Variants in ADAMTSL1 observed in about 807,000 individuals in gnomAD.
ADAMTSL1 encodes ADAMTS like 1.
In ADAMTSL1, 126 loss-of-function variants were observed where a neutral mutation model predicts 201.8. The ratio of observed to expected loss-of-function variants is 0.62; its 90% confidence interval spans 0.54 to 0.72. ADAMTSL1 has a LOEUF of 0.72. ADAMTSL1 is among the 30% of genes least tolerant of loss of function. ADAMTSL1 has a pLI of 0.00. For synonymous variants in ADAMTSL1, 1,121 were observed against 903.4 expected (o/e 1.24, Z -4.32); for missense variants, 2,679 against 2,277.8 (o/e 1.18, Z -3.59).
chr9:18,711,773 T>C (rs1223335416), intron 14 of ADAMTSL1, among the ~76,000 whole-genome samples: 2 of 151,978 alleles, frequency 1.3e-5, no homozygotes, highest in Non-Finnish European at 2.9e-5. Context: ...CCTGCCTCTG[T>C]AGGCTCCACC....
intron 2 of ADAMTSL1, among the ~76,000 whole-genome samples, chr9:18,517,423 T>A (rs1310812464): frequency 6.7e-6 from 1 of 150,244 alleles, no homozygotes; most frequent in Admixed American, 7.0e-5. Context: ...TTTAATTTAT[T>A]TTTTTTTATT....
At chr9:18,679,437 G>T (rs1258539087) in intron 10 of ADAMTSL1, among the ~76,000 whole-genome samples, 1 of 152,004 alleles carries the variant, frequency 6.6e-6, no homozygotes, top group Admixed American at 6.5e-5. Context: ...AGAGAATTTG[G>T]CAAAGATATC....
intron 2 of ADAMTSL1, among the ~76,000 whole-genome samples, chr9:18,236,857 T>C (rs949787607): frequency 6.6e-6 from 1 of 152,210 alleles, no homozygotes; most frequent in African/African-American, 2.4e-5. Flanking sequence ...ATGTAATAAA[T>C]GTCTTATCTT....
chr9:18,269,394 CT>C (rs1832268295), intron 2 of ADAMTSL1, among the ~76,000 whole-genome samples: 1 of 152,060 alleles, frequency 6.6e-6, no homozygotes, highest in Non-Finnish European at 1.5e-5. Context: ...TTCTTGAGAC[CT>C]TCTCTCTAGG....
At chr9:18,103,497 G>T (rs1367572258) in intron 1 of ADAMTSL1, among the ~76,000 whole-genome samples, 1 of 151,956 alleles carries the variant, frequency 6.6e-6, no homozygotes, top group Non-Finnish European at 1.5e-5. Flanking sequence ...TTATTCTTAG[G>T]CCAGCACTAT....
intron 21 of ADAMTSL1, among the ~76,000 whole-genome samples, chr9:18,820,257 G>A (rs554552262): frequency 6.6e-6 from 1 of 152,274 alleles, no homozygotes; most frequent in South Asian, 2.1e-4. Flanking sequence ...AATCCAAGGA[G>A]CCACAGATAA....
At chr9:18,562,015 A>G (rs1357887880) in intron 3 of ADAMTSL1, among the ~76,000 whole-genome samples, 5 of 152,186 alleles carry the variant, frequency 3.3e-5, no homozygotes, top group South Asian at 2.1e-4. Context: ...CATTTAGTCC[A>G]TTGACATTTA....
chr9:18,780,698 A>G (rs1224022714), intron 19 of ADAMTSL1, among the ~76,000 whole-genome samples: 1 of 152,206 alleles, frequency 6.6e-6, no homozygotes, highest in Non-Finnish European at 1.5e-5. Flanking sequence ...AAAAGCATAT[A>G]TGCACACATA....
intron 2 of ADAMTSL1, among the ~76,000 whole-genome samples, chr9:18,213,476 T>C (rs980938184): frequency 1.3e-5 from 2 of 152,176 alleles, no homozygotes; most frequent in African/African-American, 4.8e-5. Flanking sequence ...GCTAAACTTT[T>C]GCCTTTGAGA....
At chr9:18,613,708 C>A (rs1235620423) in intron 4 of ADAMTSL1, among the ~76,000 whole-genome samples, 3 of 151,976 alleles carry the variant, frequency 2.0e-5, no homozygotes, top group African/African-American at 7.2e-5. Flanking sequence ...AAAAGGGGAA[C>A]AACAGACACT....
intron 21 of ADAMTSL1, among the ~76,000 whole-genome samples, chr9:18,824,772 A>G (rs1824432901): frequency 7.6e-6 from 1 of 131,612 alleles, no homozygotes; most frequent in Non-Finnish European, 1.5e-5. Context: ...ATCTCGGCTC[A>G]CTGCAACCTC....
At chr9:18,245,175 G>C (rs1351879314) in intron 2 of ADAMTSL1, among the ~76,000 whole-genome samples, 5 of 152,068 alleles carry the variant, frequency 3.3e-5, no homozygotes, top group Non-Finnish European at 5.9e-5. Context: ...ATTACTAAGA[G>C]AGTCTACAGC....
chr9:18,539,140 G>A (rs750074623), intron 3 of ADAMTSL1, among the ~76,000 whole-genome samples: 1 of 152,102 alleles, frequency 6.6e-6, no homozygotes, highest in Non-Finnish European at 1.5e-5. Flanking sequence ...GATGCTACTT[G>A]CCAGGGCCAT....
chr9:18,537,346 G>C (rs1291972706), intron 3 of ADAMTSL1, among the ~76,000 whole-genome samples: 1 of 152,188 alleles, frequency 6.6e-6, no homozygotes, highest in African/African-American at 2.4e-5. Context: ...GAAGAAAACA[G>C]CTATGTGAAT....
intron 2 of ADAMTSL1, among the ~76,000 whole-genome samples, chr9:18,515,420 T>G (rs990571309): frequency 1.3e-5 from 2 of 152,206 alleles, no homozygotes; most frequent in Non-Finnish European, 2.9e-5. Context: ...CTGCAACCTT[T>G]GCCTCCCAGT....
At chr9:18,347,208 T>A (rs1359070990) in intron 2 of ADAMTSL1, among the ~76,000 whole-genome samples, 14 of 152,122 alleles carry the variant, frequency 9.2e-5, no homozygotes, top group Non-Finnish European at 1.9e-4. Context: ...TTCCAATAAT[T>A]TACAGATTGA....
At chr9:18,331,761 G>C (rs1403505054) in intron 2 of ADAMTSL1, among the ~76,000 whole-genome samples, 1 of 152,172 alleles carries the variant, frequency 6.6e-6, no homozygotes, top group Non-Finnish European at 1.5e-5. Context: ...AGATGCTAGA[G>C]TTTTAGTAGC....
At chr9:18,863,701 C>T (rs149627312) in intron 23 of ADAMTSL1, among the ~76,000 whole-genome samples, 33 of 152,298 alleles carry the variant, frequency 2.2e-4, no homozygotes, top group African/African-American at 7.7e-4. Context: ...TAGCGACCAT[C>T]TCTGCCACCC....
intron 23 of ADAMTSL1, among the ~76,000 whole-genome samples, chr9:18,858,995 C>A (rs1194061171): frequency 6.6e-6 from 1 of 152,256 alleles, no homozygotes; most frequent in East Asian, 1.9e-4. Context: ...CAAATTCGGT[C>A]TTACCAATAA....
Sources: gnomAD v4.1 joint callset for allele counts (sites outside exome capture counted in the v4.1 genomes callset) on GRCh38, gnomAD v4.1.1 for gene constraint, MANE v1.5 for transcripts, NCBI Gene and HGNC (gene_info 2026-07-23, HGNC 2026-07-21) for gene names.